The following PTPRN2 variants were observed in gnomAD, a reference collection of about 807,000 sequenced individuals.
The protein encoded by PTPRN2 is receptor-type tyrosine-protein phosphatase N2.
Under a neutral mutation model 118.8 loss-of-function variants are expected in PTPRN2, and 74 were observed. The observed-to-expected ratio is 0.62, with a 90% CI of 0.52 to 0.76. The LOEUF is 0.76. Ranked by LOEUF, PTPRN2 falls within the 30% of genes least tolerant of loss-of-function variation. The pLI is 0.00. For missense variants in PTPRN2, 1,481 were observed against 1,394.4 expected, an observed-to-expected ratio of 1.06 and a Z score of -0.99; for synonymous variants, 641 against 608.0, an observed-to-expected ratio of 1.05 and a Z score of -0.80.
At chr7:158,400,175 G>A (rs1321864415) in intron 2 of PTPRN2, among the ~76,000 whole-genome samples, 1 of 152,090 alleles carries the variant, frequency 6.6e-6, no homozygotes, top group Non-Finnish European at 1.5e-5. Context: ...AACTTACGAG[G>A]CCCCCACAAA....
chr7:158,450,843 T>C (rs1818051211), intron 2 of PTPRN2, among the ~76,000 whole-genome samples: 2 of 152,228 alleles, frequency 1.3e-5, no homozygotes, highest in South Asian at 4.1e-4. Flanking sequence ...GGCGTACGTG[T>C]GCTTCTGCTG....
intron 3 of PTPRN2, among the ~76,000 whole-genome samples, chr7:158,244,131 G>A (rs773809249): frequency 6.6e-6 from 1 of 152,206 alleles, no homozygotes; most frequent in African/African-American, 2.4e-5. Context: ...TCCCTGGGAA[G>A]AGAACAAGCT....
Position 157,977,444 on chromosome 7 carries a change from T to C in PTPRN2, c.1724-78707A>G, listed in dbSNP as rs1455602215. ...TCTCCTGAGGGGATACTCAAGCTGATGCCTGAATGCCAAGAGCCACCTGGG... is the reference window on the plus strand; with the variant it reads ...TCTCCTGAGGGGATACTCAAGCTGACGCCTGAATGCCAAGAGCCACCTGGG... On this transcript the variant is annotated intron_variant, in intron 11 of 22. Coordinates refer to ENST00000389418, the MANE Select transcript of PTPRN2 (RefSeq NM_002847.5). The surrounding 1 kb of genome is among the most constrained non-coding windows in gnomAD (Gnocchi z 4.6). Among the ~76,000 whole-genome samples the C allele has an allele frequency of 2.0e-5, 3 of 151,948 alleles. No homozygotes were observed. Among genetic ancestry groups the C allele is most frequent in the Non-Finnish European group, 2.9e-5 (2 of 67,948 alleles).
chr7:158,010,962 A>AAT (rs1806003198), intron 11 of PTPRN2, among the ~76,000 whole-genome samples: 1 of 152,196 alleles, frequency 6.6e-6, no homozygotes, highest in Non-Finnish European at 1.5e-5. Context: ...TTCCACTTAG[A>AAT]ATAACAATCG....
intron 12 of PTPRN2, among the ~76,000 whole-genome samples, chr7:157,872,275 A>C (rs1215333138): frequency 1.3e-3 from 141 of 108,004 alleles, no homozygotes; most frequent in African/African-American, 4.7e-3. Flanking sequence ...CCCCACACAC[A>C]CATACCCAGT....
intron 9 of PTPRN2, among the ~76,000 whole-genome samples, chr7:158,131,921 C>T (rs1312899025): frequency 6.6e-6 from 1 of 151,844 alleles, no homozygotes; most frequent in Non-Finnish European, 1.5e-5. Flanking sequence ...AACCAATACA[C>T]ATCTACCCGA....
At chr7:158,203,185 T>A (rs1826778970) in intron 4 of PTPRN2, among the ~76,000 whole-genome samples, 1 of 122,378 alleles carries the variant, frequency 8.2e-6, no homozygotes. Flanking sequence ...TGAGCCAAGA[T>A]CGTGCCACTG....
At chr7:157,719,197 C>A (rs113592117) in intron 12 of PTPRN2, among the ~76,000 whole-genome samples, 35,717 of 152,194 alleles carry the variant, frequency 0.23, 5,020 homozygotes, top group Non-Finnish European at 0.33. Context: ...TGGCCCTGGG[C>A]CCTGTGTGGC....
rs915971260 is a variant in PTPRN2, at chr7:157,759,903, A to G, written c.1789-76966T>C. On this transcript the variant is annotated intron_variant, in intron 12 of 22. Transcript: ENST00000389418. Reference sequence around the variant, plus strand: ...GATGGAACACAAGTCCAGCACTCACAGAGGCTCATCCTGAGTTGTCTGCCC... The same window carrying G: ...GATGGAACACAAGTCCAGCACTCACGGAGGCTCATCCTGAGTTGTCTGCCC... 3.9e-5 allele frequency among the ~76,000 whole-genome samples: 6 copies of G among 152,192 alleles called. No homozygotes were observed. In the East Asian group the frequency reaches 7.7e-4, roughly 20 times the overall value.
rs553631274 is a variant in PTPRN2 at position 158,262,814 on chromosome 7, T to TCA, written c.277+54003_277+54004dup. Among the ~76,000 whole-genome samples, 433 of 119,782 alleles carry TCA rather than the reference T, an allele frequency of 3.6e-3. 2 individuals are homozygous for TCA. The highest frequency in any genetic ancestry group is 0.015 in the African/African-American group (420 of 28,102). The allele number at this position is 119,782 out of a possible 152,430, so 78.6% of individuals were successfully genotyped here. On this transcript the variant is annotated intron_variant, in intron 3 of 22. Coordinates refer to ENST00000389418, the MANE Select transcript of PTPRN2 (RefSeq NM_002847.5). ...ATACACATTCACACACTACACACAT[T>TCA]CACACTGCACACATTCACACACTAC...
chr7:157,677,542 A>G (rs1293277230), intron 13 of PTPRN2, among the ~76,000 whole-genome samples: 1 of 152,188 alleles, frequency 6.6e-6, no homozygotes, highest in Non-Finnish European at 1.5e-5. Context: ...ATCTGTGAAC[A>G]CTTCAGATTT....
In PTPRN2 at chr7:158,144,592, T is replaced by C. The variant is rs1352829637; in HGVS notation, c.911-6077A>G. On this transcript the variant is annotated intron_variant, in intron 6 of 22. Coordinates refer to ENST00000389418, the MANE Select transcript of PTPRN2 (RefSeq NM_002847.5). The stretch of plus-strand genomic sequence containing the variant: ...GGGTGGAGGTTGCAGTGAGCTAAGA[T>C]TGTGCCACTGCACTCCAGCCTGGGC... Among the ~76,000 whole-genome samples the C allele has an allele frequency of 2.0e-5, 3 of 151,946 alleles. No individual in the cohort carries two copies. In the Admixed American group the frequency reaches 2.0e-4, roughly 10 times the overall value.
At chr7:158,480,374 C>T (rs903965035) in intron 2 of PTPRN2, among the ~76,000 whole-genome samples, 1 of 152,172 alleles carries the variant, frequency 6.6e-6, no homozygotes, top group Non-Finnish European at 1.5e-5. Context: ...GTTCTGACTG[C>T]GTAACTGACC....
chr7:158,329,114 C>T (rs913619943), intron 2 of PTPRN2, among the ~76,000 whole-genome samples: 6 of 152,182 alleles, frequency 3.9e-5, no homozygotes, highest in African/African-American at 1.4e-4. Flanking sequence ...CCCACTGCAC[C>T]GAGGGAGGCG....
At chr7:157,889,863 G>C (rs754839533) in intron 12 of PTPRN2, among the ~76,000 whole-genome samples, 2 of 152,176 alleles carry the variant, frequency 1.3e-5, no homozygotes, top group Non-Finnish European at 2.9e-5. Context: ...TACGAGCCTC[G>C]TCATTCTTCT....
At chr7:157,546,892 A>G (rs1353234424) in intron 22 of PTPRN2, among the ~76,000 whole-genome samples, 1 of 152,240 alleles carries the variant, frequency 6.6e-6, no homozygotes, top group Non-Finnish European at 1.5e-5. Context: ...CGAACAGGAT[A>G]CATACAATGG....
chr7:158,306,856 T>TTG (rs1801330093), intron 3 of PTPRN2, among the ~76,000 whole-genome samples: 1 of 784 alleles, frequency 1.3e-3, no homozygotes, highest in African/African-American at 3.5e-3. Flanking sequence ...CTGTTTTTTG[T>TTG]TTTTTTTTTT....
rs1194212112 is a variant in PTPRN2, at chr7:157,571,469, G to A, written c.2808C>T (p.Gly936=). Residue 936 remains glycine (G), a synonymous_variant, in exon 20 of 23, where the codon GGC becomes GGT. Coordinates refer to ENST00000389418, the MANE Select transcript of PTPRN2 (RefSeq NM_002847.5). ...FRRKVNKCYR[G]RSCPIIVHCS... is the part of the protein sequence containing the mutation. ...AATGAACAATTATTGGACAAGAACG[G>A]CCCCTGTAGCACTTGTTTACTTTTC... 1 of 1,610,328 alleles carries A rather than the reference G, an allele frequency of 6.2e-7. No homozygotes were observed. Among genetic ancestry groups the A allele is most frequent in the Non-Finnish European group, 8.5e-7 (1 of 1,178,002 alleles).
Position 158,293,768 on chromosome 7 carries a change from A to AG in PTPRN2, c.277+23050_277+23051insC, listed in dbSNP as rs1332700490. Among the ~76,000 whole-genome samples, 3 of 151,070 alleles carry AG rather than the reference A, an allele frequency of 2.0e-5. No individual in the cohort carries two copies. In the East Asian group the frequency reaches 5.8e-4, roughly 29 times the overall value. On this transcript the variant is annotated intron_variant, in intron 3 of 22. Transcript: ENST00000389418. ...AAAACTTTTTTGTTAAAAAAAAAAA[A>AG]ACTAAGACACAAACACACACCCTAG...
Sources: gnomAD v4.1 joint callset for allele counts (sites outside exome capture counted in the v4.1 genomes callset) on GRCh38, gnomAD v4.1.1 for gene constraint, Gnocchi (gnomAD v3.1) non-coding constraint, MANE v1.5 for transcripts, NCBI Gene and HGNC (gene_info 2026-07-23, HGNC 2026-07-21) for gene names.